Variants in C8orf34 observed in about 807,000 individuals in gnomAD.
The protein encoded by C8orf34 is chromosome 8 open reading frame 34, also known as uncharacterized protein C8orf34.
A neutral mutation model predicts 68.3 loss-of-function variants in C8orf34; 65 were observed. The observed-to-expected ratio is 0.95, with a 90% CI of 0.78 to 1.17. The LOEUF (loss-of-function observed/expected upper bound fraction) is 1.17, where lower values mean the gene tolerates loss of function less well. C8orf34 is among the 50% of genes most tolerant of loss of function. The probability of loss-of-function intolerance (pLI) is 0.00; values close to 1 mark genes in which losing one functional copy is unlikely to be tolerated. For synonymous variants in C8orf34, 244 were observed against 241.2 expected, an observed-to-expected ratio of 1.01 and a Z score of -0.11; for missense variants, 664 against 655.4, an observed-to-expected ratio of 1.01 and a Z score of -0.14.
At chr8:68,769,387 T>C (rs1823275567) in intron 10 of C8orf34, among the ~76,000 whole-genome samples, 1 of 152,012 alleles carries the variant, frequency 6.6e-6, no homozygotes, top group Non-Finnish European at 1.5e-5. Context: ...GTTTTTGCTT[T>C]TAGTCTATAT....
chr8:68,411,430 T>C (rs1192318145), intron 1 of C8orf34, among the ~76,000 whole-genome samples: 1 of 152,164 alleles, frequency 6.6e-6, no homozygotes, highest in Non-Finnish European at 1.5e-5. Flanking sequence ...ATTGAATGAT[T>C]GTGAATCTTT....
chr8:68,380,993 C>T (rs920017968), intron 1 of C8orf34, among the ~76,000 whole-genome samples: 1 of 152,076 alleles, frequency 6.6e-6, no homozygotes, highest in East Asian at 1.9e-4. Context: ...ATAAGTTGTC[C>T]TAGAGAAAAG....
rs192855553 is a variant in C8orf34 at position 68,462,761 on chromosome 8, A to G, written c.608-5931A>G. On this transcript the variant is annotated intron_variant, in intron 3 of 13. Transcript: ENST00000518698. The stretch of plus-strand genomic sequence containing the variant: ...AAACCAACAAGAACAAAGACACAAC[A>G]TACCAGAATCTCTGGGACACATTCA... 5.9e-3 allele frequency among the ~76,000 whole-genome samples: 903 copies of G among 152,264 alleles called. 34 individuals carry two copies. The highest frequency in any genetic ancestry group is 0.054 in the Admixed American group (828 of 15,284).
chr8:68,541,342 T>A (rs752804847), intron 7 of C8orf34, among the ~76,000 whole-genome samples: 39 of 152,014 alleles, frequency 2.6e-4, no homozygotes, highest in Non-Finnish European at 5.4e-4. Flanking sequence ...GGTGTACGTC[T>A]GTAGTCCCAG....
chr8:68,782,926 T>C (rs1054319611), intron 11 of C8orf34, among the ~76,000 whole-genome samples: 1 of 151,596 alleles, frequency 6.6e-6, no homozygotes, highest in African/African-American at 2.4e-5. Flanking sequence ...GAAAAAGTTA[T>C]TGAGGCATAG....
chr8:68,733,081 A>G (rs934332208), intron 10 of C8orf34, among the ~76,000 whole-genome samples: 2 of 152,064 alleles, frequency 1.3e-5, no homozygotes, highest in Admixed American at 1.3e-4. Context: ...AAAAAGAAAC[A>G]GTTTGCTAGT....
At chr8:68,528,974 A>T (rs1815131880) in intron 6 of C8orf34, among the ~76,000 whole-genome samples, 1 of 151,752 alleles carries the variant, frequency 6.6e-6, no homozygotes, top group Non-Finnish European at 1.5e-5. Context: ...AAGCTCCTCC[A>T]CTCAGCGCTA....
chr8:68,807,546 C>T (rs1358004286), intron 12 of C8orf34, among the ~76,000 whole-genome samples: 1 of 151,744 alleles, frequency 6.6e-6, no homozygotes, highest in Non-Finnish European at 1.5e-5. Flanking sequence ...CTTTAATTTT[C>T]TTATTAAGCA....
chr8:68,607,551 CA>C (rs1479542934), intron 7 of C8orf34, among the ~76,000 whole-genome samples: 1 of 152,114 alleles, frequency 6.6e-6, no homozygotes, highest in Non-Finnish European at 1.5e-5. Context: ...CCCCTATCTC[CA>C]AATACAGTCA....
intron 11 of C8orf34, among the ~76,000 whole-genome samples, chr8:68,784,796 GTGTGTA>G (rs1198181679): frequency 1.5e-5 from 2 of 130,026 alleles, no homozygotes; most frequent in African/African-American, 7.1e-5. Flanking sequence ...TTGTGTATGT[GTGTGTA>G]TGTGTGTGTG....
intron 7 of C8orf34, among the ~76,000 whole-genome samples, chr8:68,556,275 T>C (rs1415488746): frequency 6.7e-6 from 1 of 149,750 alleles, no homozygotes; most frequent in African/African-American, 2.5e-5. Flanking sequence ...TGGGGAGCAG[T>C]ATTAAGGAAG....
In C8orf34 at chr8:68,794,497, ATATATATATTTTTTTTT is replaced by A. The variant is rs1563673983; in HGVS notation, c.1549+6963_1549+6979del. Among the ~76,000 whole-genome samples the A allele has an allele frequency of 6.5e-4, 55 of 84,084 alleles. 2 individuals are homozygous for A. Among genetic ancestry groups the A allele is most frequent in the African/African-American group, 4.0e-3 (51 of 12,898 alleles). 55.2% of individuals were successfully genotyped at this position (84,084 alleles called of 152,430 possible). On this transcript the variant is annotated intron_variant, in intron 12 of 13. Transcript: ENST00000518698. ...TATAAATATAAATATATATATATAT[ATATATATATTTTTTTTT>A]TTTTTTTTTAGACAGGCTCTTGCTC...
chr8:68,375,305 A>G (rs1390034558), intron 1 of C8orf34, among the ~76,000 whole-genome samples: 2 of 152,250 alleles, frequency 1.3e-5, no homozygotes, highest in Non-Finnish European at 2.9e-5. Context: ...AGGTGCATGT[A>G]TAAATTATAT....
upstream of C8orf34, among the ~76,000 whole-genome samples, chr8:68,330,526 G>A (rs545191867): frequency 1.6e-4 from 25 of 152,230 alleles, no homozygotes; most frequent in African/African-American, 5.8e-4. Flanking sequence ...CTCAACCCCT[G>A]CGCTAGAGTA....
At chr8:68,630,997 G>A (rs1818675631) in intron 7 of C8orf34, among the ~76,000 whole-genome samples, 2 of 147,582 alleles carry the variant, frequency 1.4e-5, no homozygotes. Flanking sequence ...AAGGTTCATG[G>A]CTCATGCCTG....
At chr8:68,608,523 A>G (rs1817921572) in intron 7 of C8orf34, among the ~76,000 whole-genome samples, 1 of 151,682 alleles carries the variant, frequency 6.6e-6, no homozygotes, top group African/African-American at 2.4e-5. Flanking sequence ...GCTAAGGAAC[A>G]GCATGATGTG....
intron 1 of C8orf34, among the ~76,000 whole-genome samples, chr8:68,351,550 G>A (rs1481229920): frequency 6.6e-6 from 1 of 152,038 alleles, no homozygotes. Flanking sequence ...CCTGAAATAT[G>A]TTTTCAAAAT....
intron 7 of C8orf34, among the ~76,000 whole-genome samples, chr8:68,578,821 G>A: frequency 6.6e-6 from 1 of 151,922 alleles, no homozygotes; most frequent in Non-Finnish European, 1.5e-5. Flanking sequence ...TATTACACTT[G>A]TAATTATGGC....
At chr8:68,536,259 T>C (rs1586339081) in intron 7 of C8orf34, among the ~76,000 whole-genome samples, 1 of 146,828 alleles carries the variant, frequency 6.8e-6, no homozygotes, top group East Asian at 2.0e-4. Flanking sequence ...CATGCACCTA[T>C]AGTCCCAGCT....
Sources: gnomAD v4.1 joint callset for allele counts (sites outside exome capture counted in the v4.1 genomes callset) on GRCh38, gnomAD v4.1.1 for gene constraint, MANE v1.5 for transcripts, NCBI Gene and HGNC (gene_info 2026-07-23, HGNC 2026-07-21) for gene names.